CCDC57: variants seen among roughly 807,000 people sequenced by gnomAD.
CCDC57 encodes coiled-coil domain-containing protein 57.
CCDC57 carries 118 observed loss-of-function variants against 118.9 expected under a neutral mutation model. That is an observed-to-expected ratio of 0.99 (90% confidence interval 0.86 to 1.16). CCDC57 has a LOEUF of 1.16. Among genes scored for constraint, CCDC57 ranks in the 50% most tolerant of loss-of-function variants. The pLI, the probability that CCDC57 is intolerant of heterozygous loss-of-function variation, is 0.00. For missense variants in CCDC57, 1,300 were observed against 1,320.7 expected, an observed-to-expected ratio of 0.98 and a Z score of 0.24; for synonymous variants, 527 against 532.9, an observed-to-expected ratio of 0.99 and a Z score of 0.15.
intron 18 of CCDC57, among the ~76,000 whole-genome samples, 167 bp downstream of exon 17, chr17:82,128,326 C>A (rs1299271176): frequency 6.6e-6 from 1 of 152,176 alleles, no homozygotes; most frequent in Non-Finnish European, 1.5e-5. Flanking sequence ...GACCACCCGG[C>A]AAACGCTCTG....
At chr17:82,161,807 G>A (rs8074305) in intron 14 of CCDC57, among the ~76,000 whole-genome samples, 2,010 of 152,120 alleles carry the variant, frequency 0.013, 53 homozygotes, top group African/African-American at 0.046. Context: ...GAAAAGCTCC[G>A]GTAATAGTGA....
chr17:82,194,047 C>A, exon 6 of CCDC57: 1 of 1,613,792 alleles, frequency 6.2e-7, no homozygotes, highest in Non-Finnish European at 8.5e-7. Flanking sequence ...TCCTCTCCAG[C>A]TCGGCGTTGG....
At chr17:82,171,729 G>T (rs2044768729) in exon 13 of CCDC57, 3 of 1,613,166 alleles carry the variant, frequency 1.9e-6, no homozygotes, top group Non-Finnish European at 2.5e-6. Flanking sequence ...TGCGGACGCT[G>T]GGCTGAGACT....
chr17:82,205,569 C>T (rs910074377), intron 2 of CCDC57, among the ~76,000 whole-genome samples: 1 of 152,198 alleles, frequency 6.6e-6, no homozygotes, highest in Non-Finnish European at 1.5e-5. Context: ...ACGTGCTACT[C>T]CAGGTCCCCA....
Position 82,192,788 on chromosome 17 carries a change from CACAG to C in CCDC57, c.851+964_851+967del, listed in dbSNP as rs2047834238. On this transcript the variant is annotated intron_variant, in intron 7 of 19. Transcript: ENST00000665763. This position sits in a 1 kb window ranked among gnomAD's most constrained non-coding sequence, Gnocchi z 4.0. ...CCACTGCAGATCTGATTAGAAACAGCACAGACAGTGTCCTTGAAGTTCTTCTGGA... is the reference window on the plus strand; with the variant it reads ...CCACTGCAGATCTGATTAGAAACAGCACAGTGTCCTTGAAGTTCTTCTGGA... Among the ~76,000 whole-genome samples, 3 of 152,374 alleles carry C rather than the reference CACAG, an allele frequency of 2.0e-5. No individual in the cohort carries two copies. In the South Asian group the frequency reaches 6.2e-4, roughly 32 times the overall value.
exon 3 of CCDC57, chr17:82,201,624 G>C: frequency 6.2e-7 from 1 of 1,613,748 alleles, no homozygotes; most frequent in Non-Finnish European, 8.5e-7. Context: ...TGGCCTCTCT[G>C]GCTAGCGCCT....
chr17:82,166,980 AG>A (rs2044071558), intron 13 of CCDC57, among the ~76,000 whole-genome samples: 1 of 152,196 alleles, frequency 6.6e-6, no homozygotes, highest in Non-Finnish European at 1.5e-5. Context: ...TGGAAATTTT[AG>A]AAACAGAAAC....
At chr17:82,179,856 C>T (rs986188202) in intron 9 of CCDC57, among the ~76,000 whole-genome samples, 3 of 152,136 alleles carry the variant, frequency 2.0e-5, no homozygotes, top group African/African-American at 4.8e-5. Flanking sequence ...GTATGAAGGA[C>T]GAAAGAAGAG....
At chr17:82,134,411 C>T (rs2038865587) in intron 16 of CCDC57, 1 of 394,186 alleles carries the variant, frequency 2.5e-6, no homozygotes, top group South Asian at 1.4e-4. Flanking sequence ...CCCTGCCACA[C>T]ACAGCCCTTG....
In CCDC57 at chr17:82,118,992, T is replaced by C. The variant is rs2036285987; in HGVS notation, c.2899+8700A>G. Among the ~76,000 whole-genome samples, 1 of 150,340 alleles carries C rather than the reference T, an allele frequency of 6.7e-6. No homozygotes were observed. The highest frequency in any genetic ancestry group is 6.7e-5 in the Admixed American group (1 of 15,024). On this transcript the variant is annotated intron_variant, in intron 19 of 19. Coordinates refer to ENST00000665763, the Ensembl canonical transcript of CCDC57. This position sits in a 1 kb window ranked among gnomAD's most constrained non-coding sequence, Gnocchi z 4.7. ...AGGAAGCGGAGATCAGAGTAAGCTG[T>C]GTTCCCACCCTGCCAATTGCTGAAT... is the stretch of plus-strand genomic sequence containing the variant.
At chr17:82,125,124 A>G (rs1322078658) in intron 19 of CCDC57, among the ~76,000 whole-genome samples, 2 of 152,172 alleles carry the variant, frequency 1.3e-5, no homozygotes, top group Admixed American at 6.5e-5. Context: ...AACGGAAGCC[A>G]CACAACCCCA....
At chr17:82,117,562 C>CGGGAGGTTGAGAAGCCT (rs1350461430) in intron 19 of CCDC57, among the ~76,000 whole-genome samples, 4 of 152,046 alleles carry the variant, frequency 2.6e-5, no homozygotes, top group Non-Finnish European at 5.9e-5. Flanking sequence ...TGCTTGAGCC[C>CGGGAGGTTGAGAAGCCT]GGGAGGTTGA....
chr17:82,171,307 G>A (rs1243729705), intron 13 of CCDC57, among the ~76,000 whole-genome samples: 1 of 145,928 alleles, frequency 6.9e-6, no homozygotes, highest in Admixed American at 6.8e-5. Context: ...GCCAGGGCAC[G>A]TGGGCTCTGG....
intron 19 of CCDC57, among the ~76,000 whole-genome samples, chr17:82,117,414 G>A (rs542221872): frequency 6.6e-6 from 1 of 151,986 alleles, no homozygotes; most frequent in East Asian, 1.9e-4. Flanking sequence ...GCCAAGGTGG[G>A]AGGACTGTTT....
Position 82,151,719 on chromosome 17 carries a change from G to A in CCDC57, c.2296C>T (p.His766Tyr), listed in dbSNP as rs1199540251. 4 of 1,550,380 alleles carry A rather than the reference G, an allele frequency of 2.6e-6. No individual in the cohort carries two copies. The Admixed American group carries it at 7.8e-5, about 30-fold the overall frequency. ...GGGGCACGTGCCACTGACCGGAGGT[G>A]CAGGAAAAGCTCCCCCTGGTCCTCG... The change falls in exon 16 of 20, where the codon CAC becomes TAC. Residue 766 changes from histidine (H) to tyrosine (Y), a missense_variant. Physicochemically the swap from His to Tyr is moderately conservative, Grantham distance 83 (BLOSUM62 2). Coordinates refer to ENST00000665763, the Ensembl canonical transcript of CCDC57.
intron 16 of CCDC57, among the ~76,000 whole-genome samples, chr17:82,150,900 C>T (rs2041896325): frequency 1.0e-5 from 1 of 98,120 alleles, no homozygotes. Flanking sequence ...GACCCACACC[C>T]AGAACCTGAC....
chr17:82,184,016 T>TGTGCGCGCGC (rs1491437832), intron 8 of CCDC57, 84 bp from the exon 8 acceptor site: 2 of 305,878 alleles, frequency 6.5e-6, no homozygotes, highest in Non-Finnish European at 1.2e-5. Context: ...CAAATACACA[T>TGTGCGCGCGC]GCGCGCGCGC....
chr17:82,140,939 G>T (rs2039923736), intron 16 of CCDC57, among the ~76,000 whole-genome samples: 1 of 151,814 alleles, frequency 6.6e-6, no homozygotes, highest in South Asian at 2.1e-4. Flanking sequence ...TTCTTGGCTT[G>T]GTTTTCTAGC....
At chr17:82,169,318 G>A (rs1052057452) in intron 13 of CCDC57, among the ~76,000 whole-genome samples, 3 of 151,984 alleles carry the variant, frequency 2.0e-5, no homozygotes, top group Non-Finnish European at 4.4e-5. Flanking sequence ...TAGTAGAGAC[G>A]GGGTTTCACC....
Sources: allele counts gnomAD v4.1 joint callset (sites outside exome capture counted in the v4.1 genomes callset), GRCh38; gene constraint gnomAD v4.1.1; non-coding constraint Gnocchi (gnomAD v3.1); transcripts MANE v1.5; gene names NCBI Gene and HGNC (gene_info 2026-07-23, HGNC 2026-07-21).